The following DRC7 variants were observed in gnomAD, a reference collection of about 807,000 sequenced individuals.
DRC7 encodes the protein coiled-coil domain containing 135.
DRC7 carries 80 observed loss-of-function variants against 104.4 expected under a neutral mutation model. That is an observed-to-expected ratio of 0.77 (90% CI 0.64 to 0.92). DRC7 has a LOEUF of 0.92. DRC7 is among the 40% of genes least tolerant of loss of function. The pLI, the probability that DRC7 is intolerant of heterozygous loss-of-function variation, is 0.00. For synonymous variants in DRC7, 405 were observed against 447.3 expected (o/e 0.91, Z 1.19); for missense variants, 1,034 against 1,141.1 (o/e 0.91, Z 1.35).
At chr16:57,698,823 C>T in intron 3 of DRC7, 27 bp from the exon 4 acceptor site, 1 of 1,608,096 alleles carries the variant, frequency 6.2e-7, no homozygotes, top group South Asian at 1.1e-5. Context: ...GCATGGCTTC[C>T]CTAATGCCAT....
chr16:57,703,194 T>A (rs1202419384), intron 6 of DRC7, among the ~76,000 whole-genome samples: 1 of 120,054 alleles, frequency 8.3e-6, no homozygotes, highest in Non-Finnish European at 1.7e-5. Flanking sequence ...GGCCCCTTTT[T>A]AATAGCAAAA....
intron 3 of DRC7, 26 bp from the exon 4 acceptor site, chr16:57,698,824 C>T (rs748333404): frequency 6.2e-7 from 1 of 1,608,486 alleles, no homozygotes; most frequent in Non-Finnish European, 8.5e-7. Flanking sequence ...CATGGCTTCC[C>T]TAATGCCATC....
chr16:57,723,680 A>T (rs1285003961), intron 12 of DRC7, among the ~76,000 whole-genome samples: 1 of 152,010 alleles, frequency 6.6e-6, no homozygotes, highest in Non-Finnish European at 1.5e-5. Flanking sequence ...GTGAGCCGAG[A>T]TTATGCCACT....
At chr16:57,730,815 G>A in intron 17 of DRC7, 116 bp from the exon 18 acceptor site, 1 of 1,123,342 alleles carries the variant, frequency 8.9e-7, no homozygotes, top group South Asian at 1.5e-5. Context: ...TGTGTGAGTG[G>A]GGACACTGGG....
chr16:57,721,864 C>T, intron 10 of DRC7, 125 bp downstream of exon 10: 1 of 673,984 alleles, frequency 1.5e-6, no homozygotes. Context: ...CCACCCTTCT[C>T]ACCTTCAGCT....
chr16:57,706,238 AC>A (rs2048724651), intron 7 of DRC7, among the ~76,000 whole-genome samples: 1 of 24,426 alleles, frequency 4.1e-5, no homozygotes, highest in Non-Finnish European at 8.1e-5. Context: ...CCTCCCACCC[AC>A]CCTCCCATCC....
chr16:57,700,467 C>T (rs1288584067), intron 5 of DRC7, among the ~76,000 whole-genome samples, 197 bp downstream of exon 5: 7 of 151,920 alleles, frequency 4.6e-5, no homozygotes, highest in African/African-American at 9.7e-5. Context: ...ACCAACATGG[C>T]GAAACCCCGT....
intron 17 of DRC7, among the ~76,000 whole-genome samples, chr16:57,730,252 A>G (rs1200573680): frequency 1.3e-5 from 1 of 74,808 alleles, no homozygotes; most frequent in Non-Finnish European, 2.5e-5. Flanking sequence ...TGGGTGGATG[A>G]GTGAGTGAGT....
chr16:57,728,907 T>G, intron 17 of DRC7, among the ~76,000 whole-genome samples: 1 of 147,742 alleles, frequency 6.8e-6, no homozygotes. Flanking sequence ...GATGGGTAGA[T>G]AGAGGGATGG....
chr16:57,712,129 G>T (rs539712081), intron 8 of DRC7, among the ~76,000 whole-genome samples: 1 of 152,304 alleles, frequency 6.6e-6, no homozygotes, highest in East Asian at 1.9e-4. Flanking sequence ...CCCAAAGTTA[G>T]TTCAGCCTTC....
chr16:57,707,089 A>C (rs1158200269), intron 7 of DRC7, among the ~76,000 whole-genome samples: 1 of 152,166 alleles, frequency 6.6e-6, no homozygotes, highest in African/African-American at 2.4e-5. Flanking sequence ...AACAATGAAC[A>C]ACAAGACAGT....
chr16:57,695,400 A>T (rs555559805), intron 1 of DRC7, among the ~76,000 whole-genome samples: 4 of 152,296 alleles, frequency 2.6e-5, no homozygotes, highest in African/African-American at 9.6e-5. Context: ...CAATCTTCTC[A>T]TCTGCAAAGT....
At chr16:57,729,397 A>C (rs1597815715) in intron 17 of DRC7, among the ~76,000 whole-genome samples, 1 of 93,350 alleles carries the variant, frequency 1.1e-5, no homozygotes, top group Admixed American at 1.2e-4. Flanking sequence ...TGGATGGATG[A>C]GTGGGCGGGT....
rs1487420554 is a variant in DRC7 at position 57,731,704 on chromosome 16, C to T, written c.*446C>T. 5.8e-6 allele frequency: 1 copy of T among 172,524 alleles called. No homozygotes were observed. Among genetic ancestry groups the T allele is most frequent in the African/African-American group, 2.4e-5 (1 of 41,696 alleles). 10.7% of individuals were successfully genotyped at this position (172,524 alleles called of 1,614,324 possible). ...GATGGGGAAGGCTAAGATGCATGCC[C>T]CAGAATTTGAGGACTGAATCCCAGC... On this transcript the variant is annotated 3_prime_UTR_variant, in exon 19 of 19. Coordinates refer to ENST00000360716, the MANE Select transcript of DRC7 (RefSeq NM_001289162.2).
rs551304835 is a variant in DRC7 at position 57,724,923 on chromosome 16, G to A, written c.1758+88G>A. On this transcript the variant is annotated intron_variant, in intron 13 of 18. Transcript: ENST00000360716. ...GAATGGTGAGAGCCCTGGCTCTGGGGTGGCATTAAGGCCTGAGACATATCC... is the reference window on the plus strand; with the variant it reads ...GAATGGTGAGAGCCCTGGCTCTGGGATGGCATTAAGGCCTGAGACATATCC... 1.2e-5 allele frequency: 13 copies of A among 1,055,468 alleles called. No homozygotes were observed. The African/African-American group carries it at 1.7e-4, about 14-fold the overall frequency. The allele number at this position is 1,055,468 out of a possible 1,614,324, so 65.4% of individuals were successfully genotyped here. A position where few individuals can be genotyped will look rare whatever the true frequency, so the allele number is the denominator to read the frequency against.
chr16:57,704,099 C>T (rs1265485872), intron 6 of DRC7, among the ~76,000 whole-genome samples: 2 of 151,998 alleles, frequency 1.3e-5, no homozygotes, highest in South Asian at 2.1e-4. Flanking sequence ...GTTTAAAATC[C>T]GCTTTCATGT....
chr16:57,706,778 A>G lies in DRC7; in HGVS notation c.859-682A>G, dbSNP rs1409712543. Among the ~76,000 whole-genome samples, 6 of 102,782 alleles carry G rather than the reference A, an allele frequency of 5.8e-5. No homozygotes were observed. The East Asian group carries it at 1.8e-3, about 31-fold the overall frequency. The allele number at this position is 102,782 out of a possible 152,430, so 67.4% of individuals were successfully genotyped here. Reference sequence around the variant, plus strand: ...TGTTCTCCCATCCATCCATTGTCTCACTCATCCTCCCATCCATCCATCCTC... The same window carrying G: ...TGTTCTCCCATCCATCCATTGTCTCGCTCATCCTCCCATCCATCCATCCTC... On this transcript the variant is annotated intron_variant, in intron 7 of 18. Coordinates refer to ENST00000360716, the MANE Select transcript of DRC7 (RefSeq NM_001289162.2).
chr16:57,713,729 C>CT (rs1300377938), intron 8 of DRC7: 3 of 152,336 alleles, frequency 2.0e-5, no homozygotes, highest in Non-Finnish European at 4.4e-5. Flanking sequence ...TAAGGTGACC[C>CT]TGAGGAACGG....
At chr16:57,701,831 A>G in intron 5 of DRC7, 105 bp from the exon 6 acceptor site, 1 of 982,820 alleles carries the variant, frequency 1.0e-6, no homozygotes, top group Non-Finnish European at 1.5e-6. Flanking sequence ...CAGCCTGTGC[A>G]TTGGTCCTGG....
Sources: allele counts gnomAD v4.1 joint callset (sites outside exome capture counted in the v4.1 genomes callset), GRCh38; gene constraint gnomAD v4.1.1; transcripts MANE v1.5; gene names NCBI Gene and HGNC (gene_info 2026-07-23, HGNC 2026-07-21).